PCDHGA4: variants seen among roughly 807,000 people sequenced by gnomAD.
PCDHGA4 encodes the protein protocadherin gamma-A4.
Under a neutral mutation model 54.6 loss-of-function variants are expected in PCDHGA4, and 38 were observed. That is an observed-to-expected ratio of 0.70 (90% CI 0.54 to 0.91). The LOEUF is 0.91. Among genes scored for constraint, PCDHGA4 ranks in the 40% least tolerant of loss-of-function variants. The pLI, the probability that PCDHGA4 is intolerant of heterozygous loss-of-function variation, is 0.00. For missense variants in PCDHGA4, 1,298 were observed against 1,220.9 expected (o/e 1.06, Z -0.94); for synonymous variants, 511 against 512.9 (o/e 1.00, Z 0.05).
At position 141,477,271 on chromosome 5, in the gene PCDHGA4, G is replaced by T; in HGVS notation, c.2515-17536G>T. On this transcript the variant is annotated intron_variant, in intron 1 of 3. Transcript: ENST00000571252. The surrounding 1 kb of genome is among the most constrained non-coding windows in gnomAD (Gnocchi z 4.9). ...CTGACCTGGATGCTGGCGAGAACGG[G>T]CTGGTGACCTGCGAAGTTCCACCGG... The T allele has an allele frequency of 1.2e-6, 2 of 1,614,212 alleles. No homozygotes were observed. The highest frequency in any genetic ancestry group is 1.7e-6 in the Non-Finnish European group (2 of 1,180,044).
intron 1 of PCDHGA4, chr5:141,421,722 G>C: frequency 6.2e-7 from 1 of 1,613,972 alleles, no homozygotes; most frequent in Non-Finnish European, 8.5e-7. Flanking sequence ...ATGTGGGCGT[G>C]AACTCCCTCC....
Position 141,476,793 on chromosome 5 carries a change from C to T in PCDHGA4, c.2515-18014C>T, listed in dbSNP as rs754785656. ...GACGGAGGGACCCCAGCTCTCTCCG[C>T]CAGCCTGCCTATTCACATCAAGGTG... On this transcript the variant is annotated intron_variant, in intron 1 of 3. Transcript: ENST00000571252. The surrounding 1 kb of genome is among the most constrained non-coding windows in gnomAD (Gnocchi z 7.6). 1.2e-6 allele frequency: 2 copies of T among 1,613,642 alleles called. No homozygotes were observed. The highest frequency in any genetic ancestry group is 2.2e-5 in the East Asian group (1 of 44,868).
chr5:141,370,188 T>C, intron 1 of PCDHGA4: 1 of 511,926 alleles, frequency 2.0e-6, no homozygotes, highest in South Asian at 4.0e-5. Context: ...CGCTCTTGGC[T>C]AGTGCTGTGC....
At chr5:141,430,829 T>A (rs763916884) in intron 1 of PCDHGA4, 1 of 1,554,558 alleles carries the variant, frequency 6.4e-7, no homozygotes, top group Non-Finnish European at 8.7e-7. Context: ...GGGGACTCTG[T>A]GGGAGACCGG....
rs555568322 is a variant in PCDHGA4 at position 141,366,458 on chromosome 5, G to C, written c.2514+8837G>C. The C allele has an allele frequency of 1.2e-5, 20 of 1,614,092 alleles. No individual in the cohort carries two copies. In the East Asian group the frequency reaches 2.9e-4, roughly 23 times the overall value. ...CTGCGTCTTCCTGGCCTTCGTCATC[G>C]TGCTGCTGGTGCTCAGACTGAGGCG... On this transcript the variant is annotated intron_variant, in intron 1 of 3. Coordinates refer to ENST00000571252, the MANE Select transcript of PCDHGA4 (RefSeq NM_018917.4).
chr5:141,476,083 T>C lies in PCDHGA4; in HGVS notation c.2515-18724T>C. 1 of 1,547,886 alleles carries C rather than the reference T, an allele frequency of 6.5e-7. No homozygotes were observed. The highest frequency in any genetic ancestry group is 8.7e-7 in the Non-Finnish European group (1 of 1,153,242). The stretch of plus-strand genomic sequence containing the variant: ...TCTCAGCGAAATCTCAGGGACGATC[T>C]GGACCCCGCTGAGAGGAACTGCTTT... On this transcript the variant is annotated intron_variant, in intron 1 of 3. Coordinates refer to ENST00000571252, the MANE Select transcript of PCDHGA4 (RefSeq NM_018917.4). This position sits in a 1 kb window ranked among gnomAD's most constrained non-coding sequence, Gnocchi z 7.6.
At chr5:141,441,863 C>A in intron 1 of PCDHGA4, 2 of 342,418 alleles carry the variant, frequency 5.8e-6, no homozygotes, top group African/African-American at 2.2e-5. Flanking sequence ...CTGCACGCCG[C>A]GGAGCCTGGC....
At chr5:141,422,950 G>A (rs1388735971) in intron 1 of PCDHGA4, 2 of 1,614,230 alleles carry the variant, frequency 1.2e-6, no homozygotes, top group South Asian at 1.1e-5. Flanking sequence ...CGGCTCCACT[G>A]GCGTGGAGCT....
At chr5:141,383,001 C>T (rs766067848) in intron 1 of PCDHGA4, 1 of 1,613,756 alleles carries the variant, frequency 6.2e-7, no homozygotes, top group South Asian at 1.1e-5. Flanking sequence ...TTCTCTACTC[C>T]GTGTCGGAGG....
At chr5:141,444,774 AT>A (rs2098446962) in intron 1 of PCDHGA4, among the ~76,000 whole-genome samples, 1 of 152,018 alleles carries the variant, frequency 6.6e-6, no homozygotes, top group Non-Finnish European at 1.5e-5. Context: ...TATATTCTTG[AT>A]CATGTTTCAT....
In PCDHGA4 at chr5:141,491,177, T is replaced by G; in HGVS notation, c.2515-3630T>G. The G allele has an allele frequency of 6.2e-7, 1 of 1,614,158 alleles. No homozygotes were observed. Among genetic ancestry groups the G allele is most frequent in the Non-Finnish European group, 8.5e-7 (1 of 1,180,010 alleles). Reference sequence around the variant, plus strand: ...GACTCTGACACCCAGCAGGTGGTGGTCCTGGTGAGGGACAATGGTGACCCT... The same window carrying G: ...GACTCTGACACCCAGCAGGTGGTGGGCCTGGTGAGGGACAATGGTGACCCT... On this transcript the variant is annotated intron_variant, in intron 1 of 3. Transcript: ENST00000571252. This position sits in a 1 kb window ranked among gnomAD's most constrained non-coding sequence, Gnocchi z 6.9.
intron 1 of PCDHGA4, chr5:141,413,750 G>T (rs1325273363): frequency 6.2e-7 from 1 of 1,612,538 alleles, no homozygotes; most frequent in African/African-American, 1.3e-5. Flanking sequence ...CGTGCCAATG[G>T]CGTCAAGTAC....
intron 1 of PCDHGA4, among the ~76,000 whole-genome samples, chr5:141,452,947 G>C (rs2098752833): frequency 6.6e-6 from 1 of 152,144 alleles, no homozygotes; most frequent in Non-Finnish European, 1.5e-5. Flanking sequence ...GCTTGCAATT[G>C]GTTGTCTTTA....
At chr5:141,404,488 T>A in intron 1 of PCDHGA4, 1 of 1,613,536 alleles carries the variant, frequency 6.2e-7, no homozygotes, top group Non-Finnish European at 8.5e-7. Context: ...CAGACACTGG[T>A]GTGCTGTATG....
chr5:141,374,131 C>T (rs1425329910), intron 1 of PCDHGA4: 4 of 1,604,596 alleles, frequency 2.5e-6, no homozygotes, highest in Non-Finnish European at 8.5e-7. Context: ...AGGTCCTGCT[C>T]CTCACGCTCC....
intron 1 of PCDHGA4, chr5:141,478,141 C>T (rs770862398): frequency 6.2e-7 from 1 of 1,614,044 alleles, no homozygotes; most frequent in Non-Finnish European, 8.5e-7. Context: ...AAGCCCGAGC[C>T]GAGTTCCCCT....
At position 141,403,108 on chromosome 5, in the gene PCDHGA4, G is replaced by A. The variant is rs189164879; in HGVS notation, c.2514+45487G>A. The A allele has an allele frequency of 2.7e-5, 43 of 1,614,086 alleles. No homozygotes were observed. In the African/African-American group the frequency reaches 5.1e-4, roughly 19 times the overall value. ...TTGTGGGCAACATCTCCAAGGACCT[G>A]GCTCTGGAGCCCCGGGAGCTGGCGG... On this transcript the variant is annotated intron_variant, in intron 1 of 3. Coordinates refer to ENST00000571252, the MANE Select transcript of PCDHGA4 (RefSeq NM_018917.4).
Position 141,355,452 on chromosome 5 carries a change from G to T in PCDHGA4, c.345G>T (p.Leu115Phe), listed in dbSNP as rs371481857. Residue 115 changes from leucine (L) to phenylalanine (F), a missense_variant, in exon 1 of 4, where the codon TTG (leucine) becomes TTT (phenylalanine). Coordinates refer to ENST00000571252, the MANE Select transcript of PCDHGA4 (RefSeq NM_018917.4). ...LFALNPRSGT[L>F]VTAGRIDREE... ...CCCTGAACCCGCGCAGCGGCACCTT[G>T]GTCACCGCGGGTAGGATAGACAGGG... is the stretch of plus-strand genomic sequence containing the variant. 5 of 1,613,958 alleles carry T rather than the reference G, an allele frequency of 3.1e-6. No homozygotes were observed. The highest frequency in any genetic ancestry group is 4.2e-6 in the Non-Finnish European group (5 of 1,179,918).
chr5:141,419,012 A>C (rs1422133011), intron 1 of PCDHGA4: 1 of 1,613,986 alleles, frequency 6.2e-7, no homozygotes. Context: ...AGTCAGGTGT[A>C]GCTTAAGTAG....
Sources: allele counts gnomAD v4.1 joint callset (sites outside exome capture counted in the v4.1 genomes callset), GRCh38; gene constraint gnomAD v4.1.1; non-coding constraint Gnocchi (gnomAD v3.1); transcripts MANE v1.5; gene names NCBI Gene and HGNC (gene_info 2026-07-23, HGNC 2026-07-21).